The following EYA4 variants were observed in gnomAD, a reference collection of about 807,000 sequenced individuals.
The protein encoded by EYA4 is EYA transcriptional coactivator and phosphatase 4, also known as protein phosphatase EYA4.
Under a neutral mutation model 87.9 loss-of-function variants are expected in EYA4, and 31 were observed. The observed-to-expected ratio is 0.35, with a 90% CI of 0.27 to 0.48. EYA4 has a LOEUF of 0.48. Among genes scored for constraint, EYA4 ranks in the 20% least tolerant of loss-of-function variants. EYA4 has a pLI of 0.99. For missense variants in EYA4, 678 were observed against 761.4 expected (o/e 0.89, Z 1.29); for synonymous variants, 263 against 270.6 (o/e 0.97, Z 0.28).
chr6:133,443,901 T>TA (rs1219820059), intron 3 of EYA4, among the ~76,000 whole-genome samples: 6 of 152,196 alleles, frequency 3.9e-5, no homozygotes, highest in African/African-American at 1.4e-4. Context: ...ATTTCAACTT[T>TA]AAAATCTATC....
At chr6:133,428,033 A>G (rs1220619976) in intron 3 of EYA4, among the ~76,000 whole-genome samples, 2 of 152,190 alleles carry the variant, frequency 1.3e-5, no homozygotes, top group Non-Finnish European at 2.9e-5. Context: ...GGGTTTGAAG[A>G]CACACTCCAG....
At chr6:133,382,696 C>T (rs1199614006) in intron 3 of EYA4, among the ~76,000 whole-genome samples, 2 of 150,628 alleles carry the variant, frequency 1.3e-5, no homozygotes, top group African/African-American at 2.4e-5. Context: ...AATCCCTTGG[C>T]ATTAAGTTAA....
intron 13 of EYA4, 121 bp from the exon 14 acceptor site, chr6:133,505,985 T>A: frequency 2.8e-6 from 2 of 704,930 alleles, no homozygotes; most frequent in Middle Eastern, 2.8e-4. Context: ...ATCTTTTGAA[T>A]CTTCAGTAAA....
chr6:133,246,243 C>G (rs1344897090), intron 1 of EYA4, among the ~76,000 whole-genome samples: 1 of 152,052 alleles, frequency 6.6e-6, no homozygotes, highest in Non-Finnish European at 1.5e-5. Context: ...CTTTTCTTAC[C>G]CTGAGATTTC....
Position 133,303,483 on chromosome 6 carries a change from C to T in EYA4, c.33+28670C>T, listed in dbSNP as rs375391005. On this transcript the variant is annotated intron_variant, in intron 2 of 19. Coordinates refer to ENST00000355286, the MANE Select transcript of EYA4 (RefSeq NM_004100.5). ...AGCCAGTGGTATGAACCTGGAGAGA[C>T]CAAAGTTTATAGCCTCTCTCTCCAC... Among the ~76,000 whole-genome samples the T allele has an allele frequency of 1.1e-4, 17 of 152,226 alleles. No homozygotes were observed. The South Asian group carries it at 1.7e-3, about 15-fold the overall frequency.
intron 2 of EYA4, among the ~76,000 whole-genome samples, chr6:133,324,168 T>C (rs900606116): frequency 6.6e-6 from 1 of 152,214 alleles, no homozygotes; most frequent in Non-Finnish European, 1.5e-5. Context: ...TGTAGCTTCA[T>C]AGTAGAAAAT....
intron 2 of EYA4, among the ~76,000 whole-genome samples, chr6:133,295,336 A>G (rs933091637): frequency 6.6e-6 from 1 of 152,230 alleles, no homozygotes; most frequent in South Asian, 2.1e-4. Context: ...GCTGTATTCA[A>G]AGAATTTCAT....
At chr6:133,485,466 A>T (rs1188959504) in intron 13 of EYA4, among the ~76,000 whole-genome samples, 1 of 152,230 alleles carries the variant, frequency 6.6e-6, no homozygotes, top group Non-Finnish European at 1.5e-5. Flanking sequence ...CAGAGAAGTA[A>T]TAAAAATGTG....
At chr6:133,390,114 G>A (rs957999052) in intron 3 of EYA4, among the ~76,000 whole-genome samples, 5 of 152,188 alleles carry the variant, frequency 3.3e-5, no homozygotes, top group Admixed American at 2.6e-4. Flanking sequence ...AAGTTTATAT[G>A]TGCAGGAAGT....
chr6:133,383,057 G>T (rs1181816243), intron 3 of EYA4, among the ~76,000 whole-genome samples: 2 of 152,094 alleles, frequency 1.3e-5, no homozygotes, highest in Non-Finnish European at 2.9e-5. Flanking sequence ...CAAAGTCCAG[G>T]CTGCAATTTT....
chr6:133,256,414 T>C (rs1775340872), intron 1 of EYA4, among the ~76,000 whole-genome samples: 1 of 151,920 alleles, frequency 6.6e-6, no homozygotes, highest in Non-Finnish European at 1.5e-5. Context: ...ATGTGATTGG[T>C]GAGAACTTAT....
chr6:133,279,287 A>G (rs996705484), intron 2 of EYA4, among the ~76,000 whole-genome samples: 2 of 152,182 alleles, frequency 1.3e-5, no homozygotes, highest in African/African-American at 4.8e-5. Context: ...CCTAAATGTT[A>G]TGCATTACGG....
At chr6:133,399,860 A>G (rs993756012) in intron 3 of EYA4, among the ~76,000 whole-genome samples, 2 of 152,198 alleles carry the variant, frequency 1.3e-5, no homozygotes, top group African/African-American at 4.8e-5. Flanking sequence ...AAGTTCTCCC[A>G]TAGTTTAAAC....
intron 13 of EYA4, among the ~76,000 whole-genome samples, chr6:133,491,349 A>G (rs1194553161): frequency 1.3e-5 from 2 of 152,172 alleles, no homozygotes; most frequent in Non-Finnish European, 2.9e-5. Context: ...AAAAATACAA[A>G]AGATCAACAA....
intron 11 of EYA4, among the ~76,000 whole-genome samples, chr6:133,469,740 A>G (rs1327027503): frequency 6.6e-6 from 1 of 152,040 alleles, no homozygotes; most frequent in Non-Finnish European, 1.5e-5. Context: ...TAAAACTTCT[A>G]GAAGAAAAAA....
chr6:133,522,552 G>A (rs977404432), intron 17 of EYA4, among the ~76,000 whole-genome samples: 1 of 152,068 alleles, frequency 6.6e-6, no homozygotes, highest in East Asian at 1.9e-4. Flanking sequence ...AATGGAGAAA[G>A]CAGTTTTCTC....
At chr6:133,360,043 C>T (rs147100555) in intron 2 of EYA4, among the ~76,000 whole-genome samples, 152 of 152,210 alleles carry the variant, frequency 1.0e-3, no homozygotes, top group African/African-American at 3.5e-3. Flanking sequence ...TGAAACCTGC[C>T]CTGTGACCTT....
chr6:133,399,301 T>G (rs1216125618), intron 3 of EYA4, among the ~76,000 whole-genome samples: 1 of 152,190 alleles, frequency 6.6e-6, no homozygotes. Context: ...AGAAGGAAAT[T>G]ACTTTTGTTA....
intron 2 of EYA4, among the ~76,000 whole-genome samples, chr6:133,357,155 C>T (rs1291540859): frequency 6.6e-6 from 1 of 150,576 alleles, no homozygotes; most frequent in Admixed American, 6.6e-5. Context: ...CCTGTAGTCC[C>T]AGCTACTTGG....
Sources: gnomAD v4.1 joint callset for allele counts (sites outside exome capture counted in the v4.1 genomes callset) on GRCh38, gnomAD v4.1.1 for gene constraint, MANE v1.5 for transcripts, NCBI Gene and HGNC (gene_info 2026-07-23, HGNC 2026-07-21) for gene names.